FRYL: variants seen among roughly 807,000 people sequenced by gnomAD.
FRYL encodes the protein FRY like transcription coactivator, also known as protein furry homolog-like.
FRYL carries 150 observed loss-of-function variants against 351.2 expected under a neutral mutation model. That is an observed-to-expected ratio of 0.43 (90% CI 0.37 to 0.49). The LOEUF is 0.49. Ranked by LOEUF, FRYL falls within the 20% of genes least tolerant of loss-of-function variation. The pLI, the probability that FRYL is intolerant of heterozygous loss-of-function variation, is 0.00. For missense variants in FRYL, 3,036 were observed against 3,619.3 expected (o/e 0.84, Z 4.13); for synonymous variants, 1,153 against 1,257.1 (o/e 0.92, Z 1.75).
chr4:48,560,493 T>C (rs1488354181), intron 33 of FRYL, among the ~76,000 whole-genome samples: 2 of 152,140 alleles, frequency 1.3e-5, no homozygotes, highest in Non-Finnish European at 2.9e-5. Flanking sequence ...GCACACATCC[T>C]AGGCGATGAC....
At chr4:48,551,904 A>G (rs1302093527) in intron 36 of FRYL, among the ~76,000 whole-genome samples, 1 of 152,206 alleles carries the variant, frequency 6.6e-6, no homozygotes, top group Non-Finnish European at 1.5e-5. Flanking sequence ...ACAGGGGTTG[A>G]AGGTGGTGCG....
chr4:48,640,801 T>A (rs1426815804), intron 3 of FRYL, among the ~76,000 whole-genome samples: 1 of 152,082 alleles, frequency 6.6e-6, no homozygotes, highest in Non-Finnish European at 1.5e-5. Context: ...TAAAGCTGAT[T>A]AATTTACAAA....
intron 13 of FRYL, among the ~76,000 whole-genome samples, chr4:48,600,375 T>G (rs1366020140): frequency 1.3e-5 from 2 of 152,166 alleles, no homozygotes; most frequent in Non-Finnish European, 2.9e-5. Context: ...AGAGCCTTAA[T>G]GTAAGTTAAG....
In FRYL at chr4:48,497,404, TACA is replaced by T. The variant is rs1718685500; in HGVS notation, c.*2015_*2017del. On this transcript the variant is annotated 3_prime_UTR_variant, in exon 64 of 64. Transcript: ENST00000358350. ...TTTTTATTATATTAATAGACTTAGTTACATATAAATAAACACAAAAAGCAAATA... is the reference window on the plus strand; with the variant it reads ...TTTTTATTATATTAATAGACTTAGTTTATAAATAAACACAAAAAGCAAATA... The T allele has an allele frequency of 6.6e-6, 1 of 152,542 alleles. No homozygotes were observed. Among genetic ancestry groups the T allele is most frequent in the African/African-American group, 2.4e-5 (1 of 41,452 alleles). 9.4% of individuals were successfully genotyped at this position (152,542 alleles called of 1,614,324 possible).
intron 27 of FRYL, among the ~76,000 whole-genome samples, chr4:48,569,360 G>A (rs1291031997): frequency 6.6e-6 from 1 of 152,044 alleles, no homozygotes; most frequent in Admixed American, 6.5e-5. Context: ...AGGCTGAAGT[G>A]CAATGGCACT....
intron 55 of FRYL, among the ~76,000 whole-genome samples, chr4:48,517,466 T>TTA (rs974195887): frequency 1.3e-5 from 2 of 152,236 alleles, no homozygotes; most frequent in Non-Finnish European, 2.9e-5. Flanking sequence ...GCTGTTAGAA[T>TTA]GGATTCCATT....
chr4:48,542,123 TG>T lies in FRYL; in HGVS notation c.5593-3del. On this transcript the variant is annotated splice_polypyrimidine_tract_variant and splice_region_variant and intron_variant, in intron 44 of 63. Transcript: ENST00000358350. ...GAGAAGAAGCTCAATCACAAATCCC[TG>T]GGGGGAAAAAGGCAGATTTTAATTA... 1.9e-6 allele frequency: 3 copies of T among 1,609,910 alleles called. No individual in the cohort carries two copies. The highest frequency in any genetic ancestry group is 1.1e-5 in the South Asian group (1 of 90,954).
At chr4:48,610,277 A>G (rs564773556) in intron 7 of FRYL, among the ~76,000 whole-genome samples, 1 of 152,282 alleles carries the variant, frequency 6.6e-6, no homozygotes, top group East Asian at 1.9e-4. Flanking sequence ...TAGACTTATT[A>G]TTAAAAACCC....
intron 1 of FRYL, among the ~76,000 whole-genome samples, chr4:48,747,900 A>G (rs1488830855): frequency 1.3e-5 from 2 of 152,260 alleles, no homozygotes; most frequent in Non-Finnish European, 1.5e-5. Context: ...AGAGGGTTTC[A>G]TGAAGATTAA....
At position 48,567,168 on chromosome 4, in the gene FRYL, A is replaced by T; in HGVS notation, c.3169+80T>A. The stretch of plus-strand genomic sequence containing the variant: ...TGTTCATACGTTACTTTATCAACTT[A>T]GATTATTAAACCTCAAGGAAAGAAA... On this transcript the variant is annotated intron_variant, in intron 28 of 63. Coordinates refer to ENST00000358350, the MANE Select transcript of FRYL (RefSeq NM_015030.2). The surrounding 1 kb of genome is among the most constrained non-coding windows in gnomAD (Gnocchi z 4.2). 1 of 1,151,224 alleles carries T rather than the reference A, an allele frequency of 8.7e-7. No homozygotes were observed. The highest frequency in any genetic ancestry group is 1.2e-6 in the Non-Finnish European group (1 of 813,930). 71.3% of individuals were successfully genotyped at this position (1,151,224 alleles called of 1,614,324 possible).
intron 45 of FRYL, 98 bp downstream of exon 45, chr4:48,541,929 T>G (rs905097530): frequency 1.2e-6 from 1 of 827,074 alleles, no homozygotes; most frequent in African/African-American, 1.7e-5. Flanking sequence ...TGGGCAGTAT[T>G]GTGCTTACTA....
intron 19 of FRYL, 54 bp from the exon 20 acceptor site, chr4:48,582,788 T>C: frequency 8.4e-7 from 1 of 1,197,118 alleles, no homozygotes; most frequent in South Asian, 1.2e-5. Flanking sequence ...ATTAGTTTTA[T>C]CATCTGAAAC....
chr4:48,741,412 C>T (rs370194880), intron 1 of FRYL, among the ~76,000 whole-genome samples: 110 of 152,200 alleles, frequency 7.2e-4, no homozygotes, highest in Non-Finnish European at 1.2e-3. Context: ...TGGTGGTACA[C>T]GCCTGTAGTC....
At chr4:48,694,823 G>A (rs1198143425) in intron 2 of FRYL, among the ~76,000 whole-genome samples, 1 of 152,170 alleles carries the variant, frequency 6.6e-6, no homozygotes, top group Non-Finnish European at 1.5e-5. Flanking sequence ...TGTAATCTCA[G>A]CACTTTGGGG....
intron 13 of FRYL, 44 bp from the exon 14 acceptor site, chr4:48,596,044 A>G (rs1268481008): frequency 3.3e-6 from 4 of 1,221,634 alleles, no homozygotes; most frequent in Non-Finnish European, 4.7e-6. Flanking sequence ...AATACTTGCA[A>G]TCACTTAACA....
At position 48,546,193 on chromosome 4, in the gene FRYL, G is replaced by A; in HGVS notation, c.5153C>T (p.Ser1718Phe). ...DSGLSSSSTS[S>F]SISLGNNSAA... ...ACTGTTATTTCCTAAGCTGATACTA[G>A]AAGAGGTAGAACTTGAGCTAAGCCC... The change falls in exon 42 of 64, where the codon TCT becomes TTT. Residue 1718 changes from serine to phenylalanine, a missense_variant. Physicochemically the swap from Ser to Phe is radical, Grantham distance 155 (BLOSUM62 -2). Transcript: ENST00000358350. 6.2e-7 allele frequency: 1 copy of A among 1,613,784 alleles called. No homozygotes were observed. The highest frequency in any genetic ancestry group is 1.7e-5 in the Admixed American group (1 of 59,988).
intron 1 of FRYL, among the ~76,000 whole-genome samples, chr4:48,742,489 A>AT (rs2149649766): frequency 6.6e-6 from 1 of 152,168 alleles, no homozygotes; most frequent in Non-Finnish European, 1.5e-5. Flanking sequence ...CCTCTTTTCT[A>AT]TCTATACTCC....
chr4:48,708,919 T>TTTGTTTC (rs1269669118), intron 2 of FRYL, among the ~76,000 whole-genome samples: 2 of 148,584 alleles, frequency 1.3e-5, no homozygotes, highest in East Asian at 2.0e-4. Context: ...TGTTTTTTTT[T>TTTGTTTC]TTGTTTTTTG....
chr4:48,595,356 G>A (rs1163398868), intron 15 of FRYL, among the ~76,000 whole-genome samples: 2 of 152,134 alleles, frequency 1.3e-5, no homozygotes, highest in Non-Finnish European at 2.9e-5. Context: ...TACTCAGAAG[G>A]TAATTAGTAA....
Sources: gnomAD v4.1 joint callset for allele counts (sites outside exome capture counted in the v4.1 genomes callset) on GRCh38, gnomAD v4.1.1 for gene constraint, Gnocchi (gnomAD v3.1) non-coding constraint, MANE v1.5 for transcripts, NCBI Gene and HGNC (gene_info 2026-07-23, HGNC 2026-07-21) for gene names.